MACC1: variants seen among roughly 807,000 people sequenced by gnomAD.
MACC1 encodes MET transcriptional regulator MACC1.
Under a neutral mutation model 70.7 loss-of-function variants are expected in MACC1, and 79 were observed. The ratio of observed to expected loss-of-function variants is 1.12; its 90% CI spans 0.93 to 1.35. The LOEUF is 1.35. Ranked by LOEUF, MACC1 falls within the 40% of genes most tolerant of loss-of-function variation. The probability of loss-of-function intolerance (pLI) is 0.00; values close to 1 mark genes in which losing one functional copy is unlikely to be tolerated. For synonymous variants in MACC1, 361 were observed against 347.2 expected (o/e 1.04, Z -0.44); for missense variants, 1,106 against 978.1 (o/e 1.13, Z -1.74).
At chr7:20,212,648 CATG>C (rs1298736282) in intron 1 of MACC1, among the ~76,000 whole-genome samples, 1 of 152,074 alleles carries the variant, frequency 6.6e-6, no homozygotes, top group Non-Finnish European at 1.5e-5. Flanking sequence ...TCCAATCCCA[CATG>C]ATTAACAACA....
intron 6 of MACC1, among the ~76,000 whole-genome samples, chr7:20,151,670 T>G (rs1781980545): frequency 3.9e-5 from 6 of 152,200 alleles, no homozygotes; most frequent in Admixed American, 3.9e-4. Flanking sequence ...ATGGTTAAGG[T>G]GTTCAGAAAA....
rs146470304 is a variant in MACC1, at chr7:20,149,423, C to T, written c.2346+4770G>A. 7.1e-3 allele frequency among the ~76,000 whole-genome samples: 1,085 copies of T among 152,258 alleles called. 26 individuals carry two copies. Among genetic ancestry groups the T allele is most frequent in the Admixed American group, 0.038 (577 of 15,294 alleles). ...ATGCAAAACATTGTCCCAAATATTA[C>T]ACATTTATTATCTCATTTGATCTTC... On this transcript the variant is annotated intron_variant, in intron 6 of 6. Transcript: ENST00000400331.
chr7:20,201,442 G>C (rs1045854413), intron 1 of MACC1, among the ~76,000 whole-genome samples: 4 of 152,144 alleles, frequency 2.6e-5, no homozygotes, highest in African/African-American at 4.8e-5. Flanking sequence ...GTAAGGCTGA[G>C]GCATAGCAGT....
At chr7:20,160,659 T>C (rs1186509983) in intron 4 of MACC1, among the ~76,000 whole-genome samples, 1 of 152,168 alleles carries the variant, frequency 6.6e-6, no homozygotes, top group Non-Finnish European at 1.5e-5. Context: ...CAATTATCCA[T>C]ATTTTTCTAA....
intron 1 of MACC1, among the ~76,000 whole-genome samples, chr7:20,173,766 T>C (rs1334384059): frequency 1.3e-5 from 2 of 152,178 alleles, no homozygotes; most frequent in African/African-American, 4.8e-5. Context: ...AATAAATTCA[T>C]TTAAATGATG....
chr7:20,211,068 G>C (rs1419040051), intron 1 of MACC1, among the ~76,000 whole-genome samples: 1 of 152,084 alleles, frequency 6.6e-6, no homozygotes, highest in East Asian at 1.9e-4. Flanking sequence ...AGTGTCTAGA[G>C]TCTAAACTTT....
At position 20,136,721 on chromosome 7, in the gene MACC1, C is replaced by T. The variant is rs1223306296; in HGVS notation, c.*4225G>A. ...CTTTAGAACTTCACTCTCACTAAAC[C>T]ATACAGCAGCATGTGGGAGAAAAGT... On this transcript the variant is annotated 3_prime_UTR_variant, in exon 7 of 7. Transcript: ENST00000400331. 2 of 151,924 alleles carry T rather than the reference C, an allele frequency of 1.3e-5. No individual in the cohort carries two copies. The highest frequency in any genetic ancestry group is 4.8e-5 in the African/African-American group (2 of 41,366). The allele number at this position is 151,924 out of a possible 1,614,324, so 9.4% of individuals were successfully genotyped here. A position where few individuals can be genotyped will look rare whatever the true frequency, so the allele number is the denominator to read the frequency against.
rs148731582 is a variant in MACC1, at chr7:20,141,655, ATCAAG to A, written c.2347-502_2347-498del. 6.8e-3 allele frequency among the ~76,000 whole-genome samples: 1,033 copies of A among 152,288 alleles called. 20 individuals carry two copies. The highest frequency in any genetic ancestry group is 0.037 in the Admixed American group (568 of 15,288). On this transcript the variant is annotated intron_variant, in intron 6 of 6. Transcript: ENST00000400331. ...AAACAAGCAAAAATCTAGCTTCTTG[ATCAAG>A]TCAAGATGAAAGCAAAAATATAATT...
Position 20,161,762 on chromosome 7 carries a change from C to A in MACC1, c.101G>T (p.Ser34Ile), listed in dbSNP as rs1782141867. 8.1e-6 allele frequency: 13 copies of A among 1,609,500 alleles called. No homozygotes were observed. The highest frequency in any genetic ancestry group is 1.7e-5 in the Admixed American group (1 of 59,926). ...AATTCCCATACCTGTAATATTGCAA[C>A]TTTTTGAGAGTTTTCCAGCTTCCAT... ...IDMEAGKLSK[S>I]CNITECQDPD... Residue 34 changes from serine (S) to isoleucine (I), a missense_variant, in exon 4 of 7, where the codon AGT becomes ATT. Coordinates refer to ENST00000400331, the MANE Select transcript of MACC1 (RefSeq NM_182762.4).
chr7:20,152,236 A>C (rs1781989999), intron 6 of MACC1, among the ~76,000 whole-genome samples: 1 of 152,100 alleles, frequency 6.6e-6, no homozygotes, highest in Non-Finnish European at 1.5e-5. Context: ...CCTCTGAGGA[A>C]ATGACATACA....
intron 6 of MACC1, among the ~76,000 whole-genome samples, chr7:20,142,630 A>C (rs1186779128): frequency 6.6e-6 from 1 of 152,240 alleles, no homozygotes; most frequent in Non-Finnish European, 1.5e-5. Context: ...CTCAAAGTAC[A>C]ATTGCCACTA....
intron 6 of MACC1, among the ~76,000 whole-genome samples, chr7:20,149,235 T>C (rs2128101098): frequency 6.6e-6 from 1 of 152,300 alleles, no homozygotes; most frequent in Non-Finnish European, 1.5e-5. Context: ...TGCTAACTTT[T>C]TCCTTACATT....
At chr7:20,178,601 T>C (rs760284068) in intron 1 of MACC1, among the ~76,000 whole-genome samples, 1 of 152,332 alleles carries the variant, frequency 6.6e-6, no homozygotes, top group East Asian at 1.9e-4. Flanking sequence ...ATTAACCTTT[T>C]TGTTTTTGTT....
chr7:20,145,485 T>G (rs1391524309), intron 6 of MACC1, among the ~76,000 whole-genome samples: 1 of 151,406 alleles, frequency 6.6e-6, no homozygotes, highest in Non-Finnish European at 1.5e-5. Context: ...AAAAACAAAT[T>G]TAAAAAGTAA....
Position 20,137,100 on chromosome 7 carries a change from A to G in MACC1, c.*3846T>C, listed in dbSNP as rs972622349. Reference sequence around the variant, plus strand: ...TTCTCTTTTTCTTTTATATTACCTCAAAAATTCCTTAGATATAAACAATTA... The same window carrying G: ...TTCTCTTTTTCTTTTATATTACCTCGAAAATTCCTTAGATATAAACAATTA... On this transcript the variant is annotated 3_prime_UTR_variant, in exon 7 of 7. Coordinates refer to ENST00000400331, the MANE Select transcript of MACC1 (RefSeq NM_182762.4). The G allele has an allele frequency of 3.3e-5, 5 of 152,038 alleles. No homozygotes were observed. The highest frequency in any genetic ancestry group is 9.7e-5 in the African/African-American group (4 of 41,420). 9.4% of individuals were successfully genotyped at this position (152,038 alleles called of 1,614,324 possible).
In MACC1 at chr7:20,195,171, T is replaced by A. The variant is rs1583407404; in HGVS notation, c.-218+22128A>T. On this transcript the variant is annotated intron_variant, in intron 1 of 6. Transcript: ENST00000400331. Reference sequence around the variant, plus strand: ...AGGGAAACTTGGTCTGGGTTTTGTGTGCAGTAAGTTCTCACATCTCTGATT... The same window carrying A: ...AGGGAAACTTGGTCTGGGTTTTGTGAGCAGTAAGTTCTCACATCTCTGATT... Among the ~76,000 whole-genome samples, 4 of 152,342 alleles carry A rather than the reference T, an allele frequency of 2.6e-5. No individual in the cohort carries two copies. The South Asian group carries it at 8.3e-4, about 32-fold the overall frequency.
rs1781727639 is a variant in MACC1 at position 20,136,980 on chromosome 7, T to C, written c.*3966A>G. 1.3e-5 allele frequency: 2 copies of C among 149,316 alleles called. 1 individual carries two copies. Among genetic ancestry groups the C allele is most frequent in the South Asian group, 4.2e-4 (2 of 4,810 alleles). The allele number at this position is 149,316 out of a possible 1,614,324, so 9.2% of individuals were successfully genotyped here. A position where few individuals can be genotyped will look rare whatever the true frequency, so the allele number is the denominator to read the frequency against. ...GATTATGAATTATAATATTAAATTATAATTAATTCTTAAAGATTAAGATTA... is the reference window on the plus strand; with the variant it reads ...GATTATGAATTATAATATTAAATTACAATTAATTCTTAAAGATTAAGATTA... On this transcript the variant is annotated 3_prime_UTR_variant, in exon 7 of 7. Coordinates refer to ENST00000400331, the MANE Select transcript of MACC1 (RefSeq NM_182762.4).
At chr7:20,184,993 G>A (rs1782564065) in intron 1 of MACC1, 1 of 151,992 alleles carries the variant, frequency 6.6e-6, no homozygotes, top group Non-Finnish European at 1.5e-5. Flanking sequence ...ACTTACTTCA[G>A]GTCAAAGATT....
At chr7:20,168,717 T>C in intron 2 of MACC1, among the ~76,000 whole-genome samples, 1 of 152,160 alleles carries the variant, frequency 6.6e-6, no homozygotes, top group East Asian at 1.9e-4. Flanking sequence ...TGCCTCCCTA[T>C]TCTAAGATAA....
Sources: allele counts gnomAD v4.1 joint callset (sites outside exome capture counted in the v4.1 genomes callset), GRCh38; gene constraint gnomAD v4.1.1; transcripts MANE v1.5; gene names NCBI Gene and HGNC (gene_info 2026-07-23, HGNC 2026-07-21).